The following PALM2AKAP2 variants were observed in gnomAD, a reference collection of about 807,000 sequenced individuals.
The protein encoded by PALM2AKAP2 is PALM2-AKAP2 fusion protein.
A neutral mutation model predicts 71.5 loss-of-function variants in PALM2AKAP2; 37 were observed. The ratio of observed to expected loss-of-function variants is 0.52; its 90% CI spans 0.40 to 0.68. PALM2AKAP2 has a LOEUF of 0.68. PALM2AKAP2 is among the 30% of genes least tolerant of loss of function. The pLI is 0.00. For synonymous variants in PALM2AKAP2, 468 were observed against 478.8 expected, an observed-to-expected ratio of 0.98 and a Z score of 0.29; for missense variants, 1,224 against 1,191.8, an observed-to-expected ratio of 1.03 and a Z score of -0.40.
At position 109,736,443 on chromosome 9, in the gene PALM2AKAP2, T is replaced by C. The variant is rs1441993784; in HGVS notation, c.6-44045T>C. Among the ~76,000 whole-genome samples the C allele has an allele frequency of 9.8e-5, 15 of 152,326 alleles. No homozygotes were observed. The South Asian group carries it at 3.1e-3, about 32-fold the overall frequency. On this transcript the variant is annotated intron_variant, in intron 1 of 6. Coordinates refer to the PALM2AKAP2 transcript ENST00000374531. ...AAAGTGAATTCAGACCACCACTCAG[T>C]CACTATTGGCCAAACAATAGTCTAA...
Position 109,967,116 on chromosome 9 carries a change from C to G in PALM2AKAP2, c.496+35088C>G, listed in dbSNP as rs145729018. ...GGTTAGATGTAGCTGGGGCAAGAGT[C>G]AAGAGTCATCCTGAAGGCTTCCTCC... is the stretch of plus-strand genomic sequence containing the variant. On this transcript the variant is annotated intron_variant, in intron 6 of 9. Coordinates refer to the PALM2AKAP2 transcript ENST00000302798. Among the ~76,000 whole-genome samples, 431 of 152,288 alleles carry G rather than the reference C, an allele frequency of 2.8e-3. 2 individuals are homozygous for G. The highest frequency in any genetic ancestry group is 9.6e-3 in the African/African-American group (399 of 41,568).
At chr9:110,031,327 A>T (rs2132412831) in intron 7 of PALM2AKAP2, among the ~76,000 whole-genome samples, 1 of 152,082 alleles carries the variant, frequency 6.6e-6, no homozygotes, top group South Asian at 2.1e-4. Context: ...ACAGGGTTTC[A>T]CCATGTTGGC....
intron 6 of PALM2AKAP2, among the ~76,000 whole-genome samples, chr9:109,966,362 A>G (rs1236684376): frequency 2.6e-5 from 4 of 152,208 alleles, no homozygotes; most frequent in Non-Finnish European, 5.9e-5. Flanking sequence ...GAGGTGGCAA[A>G]GTGTTAAATG....
chr9:109,770,860 A>G (rs540312049), intron 1 of PALM2AKAP2, among the ~76,000 whole-genome samples: 1 of 152,384 alleles, frequency 6.6e-6, no homozygotes, highest in South Asian at 2.1e-4. Flanking sequence ...CATCTGCAAT[A>G]TGCCAGGAGC....
rs1198967312 is a variant in PALM2AKAP2 at position 110,056,658 on chromosome 9, AT to A, written c.156+7807del. Reference sequence around the variant, plus strand: ...CATTACAGATGAGCAGAATTTATTCATTTTGGGGGAAAAAATGAACAGACTG... The same window carrying A: ...CATTACAGATGAGCAGAATTTATTCATTTGGGGGAAAAAATGAACAGACTG... On this transcript the variant is annotated intron_variant, in intron 1 of 3. Transcript: ENST00000374525. Among the ~76,000 whole-genome samples the A allele has an allele frequency of 3.3e-5, 5 of 152,296 alleles. No homozygotes were observed. The East Asian group carries it at 9.6e-4, about 29-fold the overall frequency.
At chr9:110,014,799 AAAAAATGT>A (rs1169300394) in intron 6 of PALM2AKAP2, among the ~76,000 whole-genome samples, 21 of 56,626 alleles carry the variant, frequency 3.7e-4, no homozygotes, top group African/African-American at 7.6e-4. Flanking sequence ...AAAAAAAAAA[AAAAAATGT>A]ATATATATAT....
chr9:110,155,397 A>T (rs1229469835), intron 2 of PALM2AKAP2, among the ~76,000 whole-genome samples: 1 of 152,214 alleles, frequency 6.6e-6, no homozygotes, highest in Non-Finnish European at 1.5e-5. Context: ...TCAGAAGTGC[A>T]TTTGGGGCTC....
At chr9:110,042,162 C>G (rs904300045) in intron 7 of PALM2AKAP2, among the ~76,000 whole-genome samples, 1 of 152,200 alleles carries the variant, frequency 6.6e-6, no homozygotes, top group Non-Finnish European at 1.5e-5. Flanking sequence ...TGCGGTGGCT[C>G]AGGCCTGTAA....
chr9:109,665,465 A>T (rs1454969396), intron 1 of PALM2AKAP2, among the ~76,000 whole-genome samples: 1 of 151,926 alleles, frequency 6.6e-6, no homozygotes, highest in Non-Finnish European at 1.5e-5. Flanking sequence ...GGTCTGTTGG[A>T]GTTTGCTAGA....
At chr9:110,166,390 A>G (rs1748270192) in intron 3 of PALM2AKAP2, among the ~76,000 whole-genome samples, 1 of 152,212 alleles carries the variant, frequency 6.6e-6, no homozygotes, top group Non-Finnish European at 1.5e-5. Flanking sequence ...CATGTTATAG[A>G]TAAGAAATGT....
chr9:109,681,511 G>C (rs763654011), intron 1 of PALM2AKAP2, among the ~76,000 whole-genome samples: 2 of 152,154 alleles, frequency 1.3e-5, no homozygotes, highest in Non-Finnish European at 2.9e-5. Context: ...AAGGATTCCT[G>C]CCTGCAGATA....
At chr9:109,724,968 T>C (rs1828455299) in intron 1 of PALM2AKAP2, among the ~76,000 whole-genome samples, 1 of 152,204 alleles carries the variant, frequency 6.6e-6, no homozygotes, top group African/African-American at 2.4e-5. Flanking sequence ...CGGGAATTCT[T>C]ACACATCAAT....
intron 2 of PALM2AKAP2, 77 bp downstream of exon 2, chr9:109,867,648 CCTGCCGTGAAGGCG>C (rs1829490237): frequency 1.3e-6 from 2 of 1,494,842 alleles, no homozygotes; most frequent in Non-Finnish European, 1.8e-6. Flanking sequence ...CAGTGCCTGC[CCTGCCGTGAAGGCG>C]CTGCCGCCAA....
At chr9:109,824,562 C>T (rs1031171447) in intron 1 of PALM2AKAP2, among the ~76,000 whole-genome samples, 2 of 152,198 alleles carry the variant, frequency 1.3e-5, no homozygotes, top group Non-Finnish European at 2.9e-5. Context: ...GCCCTAATGA[C>T]ATATTTGGCC....
chr9:110,062,617 G>T (rs1162568813), intron 1 of PALM2AKAP2, among the ~76,000 whole-genome samples: 2 of 152,194 alleles, frequency 1.3e-5, no homozygotes, highest in Non-Finnish European at 2.9e-5. Context: ...AATGTGCTAG[G>T]TTGTGGGAAG....
chr9:109,913,561 T>A (rs906950089), intron 3 of PALM2AKAP2, among the ~76,000 whole-genome samples: 6 of 152,114 alleles, frequency 3.9e-5, no homozygotes, highest in Non-Finnish European at 7.4e-5. Flanking sequence ...TGCTCATTTT[T>A]TTTTCTTCTG....
intron 1 of PALM2AKAP2, among the ~76,000 whole-genome samples, chr9:109,679,308 G>C (rs1474349908): frequency 6.6e-6 from 1 of 152,184 alleles, no homozygotes; most frequent in Non-Finnish European, 1.5e-5. Context: ...ATGAGAACAA[G>C]AGCAGTCAAT....
Position 109,933,679 on chromosome 9 carries a change from T to C in PALM2AKAP2, c.496+1651T>C, listed in dbSNP as rs562718442. ...TGCAAAACATGATTTTAAAAGCCAA[T>C]GCATTTTCAAAAGTATAATGTGATC... is the stretch of plus-strand genomic sequence containing the variant. On this transcript the variant is annotated intron_variant, in intron 6 of 9. Coordinates refer to the PALM2AKAP2 transcript ENST00000302798. 2.6e-5 allele frequency among the ~76,000 whole-genome samples: 4 copies of C among 152,366 alleles called. No individual in the cohort carries two copies. The South Asian group carries it at 6.2e-4, about 24-fold the overall frequency.
intron 2 of PALM2AKAP2, among the ~76,000 whole-genome samples, chr9:109,879,583 T>A (rs1256008985): frequency 1.3e-5 from 2 of 152,240 alleles, no homozygotes; most frequent in East Asian, 1.9e-4. Context: ...TTTCTGGAAC[T>A]GTTTTCATTT....
Sources: allele counts gnomAD v4.1 joint callset (sites outside exome capture counted in the v4.1 genomes callset), GRCh38; gene constraint gnomAD v4.1.1; transcripts MANE v1.5; gene names NCBI Gene and HGNC (gene_info 2026-07-23, HGNC 2026-07-21).